SRGAP3: variants seen among roughly 807,000 people sequenced by gnomAD.
SRGAP3 encodes SLIT-ROBO Rho GTPase activating protein 3, also known as SLIT-ROBO Rho GTPase-activating protein 3.
A neutral mutation model predicts 121.1 loss-of-function variants in SRGAP3; 39 were observed. The observed-to-expected ratio is 0.32, with a 90% confidence interval of 0.25 to 0.42. The LOEUF (loss-of-function observed/expected upper bound fraction) is 0.42. Ranked by LOEUF, SRGAP3 falls within the 10% of genes least tolerant of loss-of-function variation. SRGAP3 has a pLI of 1.00. For synonymous variants in SRGAP3, 601 were observed against 570.0 expected (o/e 1.05, Z -0.77); for missense variants, 1,213 against 1,470.6 (o/e 0.82, Z 2.86).
At chr3:9,156,076 A>G (rs1263916975) in intron 1 of SRGAP3, among the ~76,000 whole-genome samples, 8 of 152,144 alleles carry the variant, frequency 5.3e-5, no homozygotes, top group Admixed American at 5.2e-4. Context: ...CGGCCTCCCA[A>G]AGTGCTGGGA....
At chr3:9,301,657 T>C (rs1387430789) in intron 3 of SRGAP3, among the ~76,000 whole-genome samples, 1 of 152,224 alleles carries the variant, frequency 6.6e-6, no homozygotes, top group Non-Finnish European at 1.5e-5. Context: ...TTTGTTGTTT[T>C]TAACTGGCTT....
chr3:9,037,804 G>A, intron 11 of SRGAP3: 1 of 579,494 alleles, frequency 1.7e-6, no homozygotes. Flanking sequence ...CAGCGCAAAG[G>A]GAGGGTGCCC....
At chr3:9,195,846 A>T (rs1951899180) in intron 1 of SRGAP3, among the ~76,000 whole-genome samples, 1 of 152,050 alleles carries the variant, frequency 6.6e-6, no homozygotes, top group Non-Finnish European at 1.5e-5. Context: ...GTCCTCGCTA[A>T]TCATGAGGCT....
At chr3:9,267,554 G>A (rs1162503780) in intron 3 of SRGAP3, among the ~76,000 whole-genome samples, 2 of 152,156 alleles carry the variant, frequency 1.3e-5, no homozygotes, top group East Asian at 1.9e-4. Flanking sequence ...CCAAGGATGT[G>A]AAGAACACTC....
intron 3 of SRGAP3, among the ~76,000 whole-genome samples, chr3:9,086,086 A>G (rs1397517200): frequency 6.6e-6 from 1 of 152,240 alleles, no homozygotes; most frequent in Admixed American, 6.5e-5. Context: ...GCTGATCCAG[A>G]GAACACTCCT....
chr3:9,069,807 CGTG>C (rs1313209677), intron 4 of SRGAP3, among the ~76,000 whole-genome samples: 1 of 152,100 alleles, frequency 6.6e-6, no homozygotes, highest in East Asian at 1.9e-4. Flanking sequence ...ATCAGCCAGG[CGTG>C]GTGGTGGGCC....
At chr3:9,286,364 C>T (rs187890417) in intron 3 of SRGAP3, among the ~76,000 whole-genome samples, 131 of 151,876 alleles carry the variant, frequency 8.6e-4, no homozygotes, top group African/African-American at 2.9e-3. Context: ...TGGATACATA[C>T]CAAAATCCAA....
At chr3:9,010,202 G>T in intron 18 of SRGAP3, 106 bp downstream of exon 18, 1 of 1,312,690 alleles carries the variant, frequency 7.6e-7, no homozygotes, top group Non-Finnish European at 1.1e-6. Context: ...GGCTGACTTG[G>T]AAAGCTGAAG....
intron 10 of SRGAP3, among the ~76,000 whole-genome samples, chr3:9,043,208 C>T (rs2670004): frequency 0.18 from 26,711 of 152,176 alleles, 2,464 homozygotes; most frequent in Non-Finnish European, 0.21. Flanking sequence ...GGCTGGAAAG[C>T]AGTGGCGTGA....
Position 9,081,287 on chromosome 3 carries a change from C to T in SRGAP3, c.424-1200G>A, listed in dbSNP as rs373142149. On this transcript the variant is annotated intron_variant, in intron 3 of 21. Coordinates refer to ENST00000383836, the MANE Select transcript of SRGAP3 (RefSeq NM_014850.4). ...CTAGATCCTGACACAGTCGCAAGTC[C>T]ACACTCTCAAGATGTCTCTTCCAAT... 1.2e-3 allele frequency: 555 copies of T among 456,676 alleles called. 2 individuals carry two copies. The highest frequency in any genetic ancestry group is 9.9e-3 in the African/African-American group (498 of 50,190). 28.3% of individuals were successfully genotyped at this position (456,676 alleles called of 1,614,324 possible).
At chr3:9,179,642 CT>C (rs1325619208) in intron 1 of SRGAP3, among the ~76,000 whole-genome samples, 1 of 152,218 alleles carries the variant, frequency 6.6e-6, no homozygotes, top group Non-Finnish European at 1.5e-5. Flanking sequence ...GAAGGCTTTG[CT>C]TTCTCATCTG....
chr3:9,222,273 G>A (rs2125201730), intron 1 of SRGAP3, among the ~76,000 whole-genome samples: 1 of 152,348 alleles, frequency 6.6e-6, no homozygotes, highest in East Asian at 1.9e-4. Flanking sequence ...GAAATGACTG[G>A]CTTCCTGAGA....
intron 1 of SRGAP3, among the ~76,000 whole-genome samples, chr3:9,152,572 G>A (rs1166160245): frequency 6.6e-6 from 1 of 152,244 alleles, no homozygotes; most frequent in Non-Finnish European, 1.5e-5. Context: ...GCTGGAGAGT[G>A]GAGCAGACAG....
At chr3:9,167,939 G>T (rs775432224) in intron 1 of SRGAP3, among the ~76,000 whole-genome samples, 1 of 152,142 alleles carries the variant, frequency 6.6e-6, no homozygotes, top group Non-Finnish European at 1.5e-5. Flanking sequence ...TCCACCTAAT[G>T]ACAAATAATG....
At chr3:9,024,925 G>C (rs1270320627) in intron 14 of SRGAP3, among the ~76,000 whole-genome samples, 1 of 152,212 alleles carries the variant, frequency 6.6e-6, no homozygotes, top group Admixed American at 6.5e-5. Context: ...AGTAATAGTA[G>C]TAATAGCAGT....
chr3:9,156,490 G>A (rs1042152022), intron 1 of SRGAP3, among the ~76,000 whole-genome samples: 2 of 152,186 alleles, frequency 1.3e-5, no homozygotes, highest in Non-Finnish European at 2.9e-5. Context: ...GCCAGGTACT[G>A]TCTACAAGGA....
chr3:9,119,092 G>A (rs1173531722), intron 2 of SRGAP3, among the ~76,000 whole-genome samples: 1 of 152,232 alleles, frequency 6.6e-6, no homozygotes, highest in Non-Finnish European at 1.5e-5. Context: ...TTGCAGCCCA[G>A]TGGTTGTCCA....
chr3:8,998,040 C>A (rs1942518388), intron 18 of SRGAP3, among the ~76,000 whole-genome samples: 1 of 152,092 alleles, frequency 6.6e-6, no homozygotes, highest in Non-Finnish European at 1.5e-5. Flanking sequence ...TGCCGCCATG[C>A]CCAGCTAATT....
At chr3:9,094,168 G>T (rs1405157984) in intron 3 of SRGAP3, among the ~76,000 whole-genome samples, 1 of 152,012 alleles carries the variant, frequency 6.6e-6, no homozygotes, top group East Asian at 1.9e-4. Flanking sequence ...CTTTATTTCA[G>T]CCAGGTGTCT....
Sources: allele counts gnomAD v4.1 joint callset (sites outside exome capture counted in the v4.1 genomes callset), GRCh38; gene constraint gnomAD v4.1.1; transcripts MANE v1.5; gene names NCBI Gene and HGNC (gene_info 2026-07-23, HGNC 2026-07-21).